Variants in ARHGAP6 observed in about 807,000 individuals in gnomAD.
ARHGAP6 encodes the protein rho GTPase-activating protein 6.
In ARHGAP6, 16 loss-of-function variants were observed where a neutral mutation model predicts 55.7. That is an observed-to-expected ratio of 0.29 (90% CI 0.19 to 0.44). The LOEUF is 0.44. Among genes scored for constraint, ARHGAP6 ranks in the 20% least tolerant of loss-of-function variants. The pLI, the probability that ARHGAP6 is intolerant of heterozygous loss-of-function variation, is 1.00. For synonymous variants in ARHGAP6, 382 were observed against 360.9 expected, an observed-to-expected ratio of 1.06 and a Z score of -0.66; for missense variants, 698 against 808.9, an observed-to-expected ratio of 0.86 and a Z score of 1.66.
chrX:11,646,262 C>G (rs1357318512), intron 1 of ARHGAP6, among the ~76,000 whole-genome samples: 1 of 111,397 alleles, frequency 9.0e-6, no homozygotes, highest in African/African-American at 3.3e-5. Flanking sequence ...TTACAGGTCT[C>G]TCCCTCCCTC....
intron 2 of ARHGAP6, among the ~76,000 whole-genome samples, chrX:11,218,126 A>G (rs111608471): frequency 0.21 from 23,661 of 111,028 alleles, 1,934 homozygotes; most frequent in Middle Eastern, 0.33. Context: ...CTTGTAATAT[A>G]GTTTGAAGTC....
At chrX:11,391,055 G>C (rs1345134145) in intron 1 of ARHGAP6, among the ~76,000 whole-genome samples, 2 of 111,838 alleles carry the variant, frequency 1.8e-5, no homozygotes, top group Admixed American at 1.9e-4. Context: ...CAAAGACTTG[G>C]AACCAACCCA....
rs1556119233 is a variant in ARHGAP6, at chrX:11,590,910, G to GAAAGA, written c.588+73326_588+73330dup. Reference sequence around the variant, plus strand: ...AGAAAGAAAGAAAGAAAGAAAGAAAGAAAGAAAAGAAAAGAAAAGATAAGT... The same window carrying GAAAGA: ...AGAAAGAAAGAAAGAAAGAAAGAAAGAAAGAAAAGAAAAGAAAAGAAAAGATAAGT... On this transcript the variant is annotated intron_variant, in intron 1 of 12. Coordinates refer to ENST00000337414, the MANE Select transcript of ARHGAP6 (RefSeq NM_013427.3). 7.5e-4 allele frequency among the ~76,000 whole-genome samples: 63 copies of GAAAGA among 83,852 alleles called. 6 individuals are homozygous for GAAAGA. The highest frequency in any genetic ancestry group is 2.1e-3 in the Admixed American group (15 of 7,308). 72.8% of individuals were successfully genotyped at this position (83,852 alleles called of 115,157 possible). A position where few individuals can be genotyped will look rare whatever the true frequency, so the allele number is the denominator to read the frequency against.
intron 8 of ARHGAP6, 101 bp from the exon 9 acceptor site, chrX:11,169,785 T>A (rs1297171239): frequency 1.1e-5 from 7 of 633,872 alleles, no homozygotes; most frequent in Non-Finnish European, 1.6e-5. Context: ...TTTTTTTTTT[T>A]AATCCTGCAA....
chrX:11,468,690 T>C (rs147468599), intron 1 of ARHGAP6, among the ~76,000 whole-genome samples: 2,010 of 112,505 alleles, frequency 0.018, 16 homozygotes, highest in Middle Eastern at 0.028. Context: ...TAATCTGTTT[T>C]TTGCTTTCCA....
At chrX:11,152,682 G>C (rs778520853) in intron 10 of ARHGAP6, among the ~76,000 whole-genome samples, 1 of 111,909 alleles carries the variant, frequency 8.9e-6, no homozygotes, top group South Asian at 3.8e-4. Flanking sequence ...ACTCCAAGTG[G>C]ATTCATGGTC....
intron 1 of ARHGAP6, among the ~76,000 whole-genome samples, chrX:11,592,403 T>C (rs775052992): frequency 3.6e-5 from 4 of 111,837 alleles, no homozygotes; most frequent in Admixed American, 1.9e-4. Context: ...TACTTGGCTA[T>C]TGGGAGTGAA....
intron 1 of ARHGAP6, among the ~76,000 whole-genome samples, chrX:11,506,937 G>A (rs1243804755): frequency 1.8e-5 from 2 of 111,614 alleles, no homozygotes; most frequent in Non-Finnish European, 3.8e-5. Context: ...ATTCTAACTG[G>A]CATGAGGTGG....
intron 1 of ARHGAP6, among the ~76,000 whole-genome samples, chrX:11,459,574 G>A (rs754055120): frequency 1.4e-3 from 158 of 111,854 alleles, no homozygotes; most frequent in African/African-American, 4.8e-3. Context: ...ATTGTTTTGT[G>A]GTGGTCGTTT....
intron 1 of ARHGAP6, among the ~76,000 whole-genome samples, chrX:11,316,772 T>A (rs2048364052): frequency 8.9e-6 from 1 of 112,262 alleles, no homozygotes; most frequent in Non-Finnish European, 1.9e-5. Flanking sequence ...GAGTTCAACT[T>A]TTTTAGATTC....
intron 1 of ARHGAP6, among the ~76,000 whole-genome samples, chrX:11,646,791 A>G (rs994531748): frequency 5.3e-5 from 6 of 112,363 alleles, no homozygotes; most frequent in African/African-American, 1.9e-4. Context: ...GAGAAAACTC[A>G]TTTCTTCCAT....
chrX:11,141,717 A>G (rs756269347), intron 12 of ARHGAP6, among the ~76,000 whole-genome samples: 1 of 112,485 alleles, frequency 8.9e-6, no homozygotes, highest in Non-Finnish European at 1.9e-5. Flanking sequence ...AGGTGACTGT[A>G]CCTCCAGATT....
intron 8 of ARHGAP6, among the ~76,000 whole-genome samples, chrX:11,171,695 G>GAGTA: frequency 8.9e-6 from 1 of 111,839 alleles, no homozygotes; most frequent in East Asian, 2.8e-4. Context: ...GGGAGAGTCT[G>GAGTA]AGTAAGTTTC....
At chrX:11,196,828 G>T in intron 3 of ARHGAP6, 97 bp downstream of exon 3, 1 of 530,462 alleles carries the variant, frequency 1.9e-6, no homozygotes, top group Non-Finnish European at 3.3e-6. Context: ...TCATAACAGA[G>T]TTGAACCACG....
chrX:11,335,526 C>T (rs1569304442), intron 1 of ARHGAP6, among the ~76,000 whole-genome samples: 2 of 111,804 alleles, frequency 1.8e-5, no homozygotes, highest in African/African-American at 6.5e-5. Context: ...CCAGCTTCAT[C>T]CATGTCCCTG....
chrX:11,591,360 A>C (rs929606162), intron 1 of ARHGAP6, among the ~76,000 whole-genome samples: 8 of 108,944 alleles, frequency 7.3e-5, no homozygotes, highest in African/African-American at 2.6e-4. Flanking sequence ...TATGTTTTAA[A>C]ACTTTTATTA....
At chrX:11,370,893 A>AAACAAC (rs751345129) in intron 1 of ARHGAP6, among the ~76,000 whole-genome samples, 137 of 110,137 alleles carry the variant, frequency 1.2e-3, no homozygotes, top group African/African-American at 1.4e-3. Flanking sequence ...GTATGCTTAC[A>AAACAAC]AACAACAACA....
rs1180464928 is a variant in ARHGAP6 at position 11,144,317 on chromosome X, G to A, written c.1908-69C>T. On this transcript the variant is annotated intron_variant, in intron 10 of 12. Transcript: ENST00000337414. ...GTAGTGACCAGATTTAAACAATATG[G>A]CTATTACACAAATGACTGGAGGAGT... 1.7e-5 allele frequency: 20 copies of A among 1,184,568 alleles called. No homozygotes were observed. The South Asian group carries it at 2.4e-4, about 14-fold the overall frequency.
At chrX:11,656,719 CTCTTA>C (rs1347799674) in intron 1 of ARHGAP6, among the ~76,000 whole-genome samples, 2 of 111,259 alleles carry the variant, frequency 1.8e-5, no homozygotes, top group Non-Finnish European at 3.8e-5. Flanking sequence ...TCCTGCCTCC[CTCTTA>C]TAAGGATCCT....
Sources: gnomAD v4.1 joint callset for allele counts (sites outside exome capture counted in the v4.1 genomes callset) on GRCh38, gnomAD v4.1.1 for gene constraint, MANE v1.5 for transcripts, NCBI Gene and HGNC (gene_info 2026-07-23, HGNC 2026-07-21) for gene names.